The following TAPT1 variants were observed in gnomAD, a reference collection of about 807,000 sequenced individuals.
TAPT1 encodes the protein transmembrane anterior posterior transformation 1, also known as transmembrane anterior posterior transformation protein 1 homolog.
A neutral mutation model predicts 65.6 loss-of-function variants in TAPT1; 28 were observed. The observed-to-expected ratio is 0.43, with a 90% CI of 0.32 to 0.59. The LOEUF is 0.59. Ranked by LOEUF, TAPT1 falls within the 20% of genes least tolerant of loss-of-function variation. The pLI, the probability that TAPT1 is intolerant of heterozygous loss-of-function variation, is 0.09. For synonymous variants in TAPT1, 278 were observed against 245.2 expected (o/e 1.13, Z -1.25); for missense variants, 563 against 679.9 (o/e 0.83, Z 1.91).
chr4:16,199,732 CATGT>C (rs1749922588), intron 3 of TAPT1, among the ~76,000 whole-genome samples: 1 of 152,074 alleles, frequency 6.6e-6, no homozygotes, highest in African/African-American at 2.4e-5. Context: ...GCTGGGACTA[CATGT>C]ATGTGCCACC....
At chr4:16,186,387 T>C (rs544671925) in intron 7 of TAPT1, 148 bp downstream of exon 7, 12 of 557,930 alleles carry the variant, frequency 2.2e-5, no homozygotes, top group African/African-American at 1.7e-4. Context: ...GAACCAAAAA[T>C]AAGAAAACCT....
intron 13 of TAPT1, among the ~76,000 whole-genome samples, chr4:16,166,151 T>C (rs1379094191): frequency 6.6e-6 from 1 of 152,204 alleles, no homozygotes; most frequent in Non-Finnish European, 1.5e-5. Context: ...GGCCTCTGCC[T>C]GGGAGCTGCT....
intron 4 of TAPT1, chr4:16,189,916 GAAA>G (rs1331589337): frequency 5.9e-5 from 9 of 152,362 alleles, no homozygotes; most frequent in African/African-American, 1.9e-4. Context: ...GGGCAGCAGT[GAAA>G]AGAGCAAGGC....
In TAPT1 at chr4:16,166,754, C is replaced by T. The variant is rs1372580872; in HGVS notation, c.1353G>A (p.Leu451=). 3 of 1,613,758 alleles carry T rather than the reference C, an allele frequency of 1.9e-6. No individual in the cohort carries two copies. The highest frequency in any genetic ancestry group is 2.7e-5 in the African/African-American group (2 of 74,878). ...SLKVLNSIVL[L]GKSCQYVKEA... Reference sequence around the variant, plus strand: ...CCTTCACATACTGGCACGATTTCCCCAACAGCACGATGCTATTAAGTACTT... The same window carrying T: ...CCTTCACATACTGGCACGATTTCCCTAACAGCACGATGCTATTAAGTACTT... Residue 451 remains leucine (L), a synonymous_variant, in exon 13 of 14, where the codon TTG becomes TTA. Transcript: ENST00000405303.
intron 2 of TAPT1, among the ~76,000 whole-genome samples, chr4:16,213,057 G>A (rs955269432): frequency 1.8e-4 from 27 of 152,194 alleles, no homozygotes; most frequent in Non-Finnish European, 5.9e-5. Flanking sequence ...CAAGATTTAC[G>A]TTACTACAGA....
intron 2 of TAPT1, 33 bp from the exon 3 acceptor site, chr4:16,202,613 A>T: frequency 8.5e-7 from 1 of 1,179,034 alleles, no homozygotes; most frequent in African/African-American, 1.6e-5. Flanking sequence ...GAAAAAAAAA[A>T]AGTATTTTAA....
intron 1 of TAPT1, among the ~76,000 whole-genome samples, chr4:16,223,831 T>C (rs6852432): frequency 0.27 from 40,557 of 151,934 alleles, 5,934 homozygotes; most frequent in East Asian, 0.33. Context: ...TGGAAAGAGT[T>C]TGGATAAGTA....
intron 3 of TAPT1, among the ~76,000 whole-genome samples, chr4:16,197,889 A>C (rs1424132656): frequency 6.6e-6 from 1 of 152,194 alleles, no homozygotes; most frequent in Non-Finnish European, 1.5e-5. Context: ...ATTTGTGGGC[A>C]AAGATTTTTC....
intron 2 of TAPT1, among the ~76,000 whole-genome samples, chr4:16,212,605 T>C (rs1560186019): frequency 6.6e-6 from 1 of 152,186 alleles, no homozygotes; most frequent in Non-Finnish European, 1.5e-5. Flanking sequence ...TCCTCCCTCC[T>C]TATCTGTAAG....
At chr4:16,227,049 C>T (rs1231082114), upstream of TAPT1, 5 of 454,448 alleles carry the variant, frequency 1.1e-5, no homozygotes, top group African/African-American at 4.0e-5. Flanking sequence ...CCGGCCCTGC[C>T]TGCCCGCTAT....
At chr4:16,213,431 A>G (rs1004945026) in intron 2 of TAPT1, among the ~76,000 whole-genome samples, 8 of 139,666 alleles carry the variant, frequency 5.7e-5, no homozygotes, top group Non-Finnish European at 1.2e-4. Flanking sequence ...TGAATGGGGG[A>G]AAAAAAACCT....
chr4:16,199,845 C>T (rs546717645), intron 3 of TAPT1, among the ~76,000 whole-genome samples: 6 of 152,232 alleles, frequency 3.9e-5, no homozygotes, highest in African/African-American at 1.4e-4. Flanking sequence ...CCACCTTGGC[C>T]TCCCAAAGTT....
At chr4:16,198,594 A>G (rs1325235700) in intron 3 of TAPT1, among the ~76,000 whole-genome samples, 1 of 152,192 alleles carries the variant, frequency 6.6e-6, no homozygotes, top group African/African-American at 2.4e-5. Flanking sequence ...ATTGCAATCA[A>G]CTTCTTTGCC....
Position 16,163,229 on chromosome 4 carries a change from T to A in TAPT1, c.*79A>T. 1 of 966,352 alleles carries A rather than the reference T, an allele frequency of 1.0e-6. No individual in the cohort carries two copies. The highest frequency in any genetic ancestry group is 1.4e-5 in the South Asian group (1 of 71,332). 59.9% of individuals were successfully genotyped at this position (966,352 alleles called of 1,614,324 possible). On this transcript the variant is annotated 3_prime_UTR_variant, in exon 14 of 14. Transcript: ENST00000405303. Reference sequence around the variant, plus strand: ...TTTTTAAATAAATATTTAAGTGCCATGTTTAGCATCTATTTGTCCTGGCAA... The same window carrying A: ...TTTTTAAATAAATATTTAAGTGCCAAGTTTAGCATCTATTTGTCCTGGCAA...
intron 2 of TAPT1, among the ~76,000 whole-genome samples, chr4:16,212,020 A>G (rs535460680): frequency 6.6e-6 from 1 of 152,352 alleles, no homozygotes; most frequent in Non-Finnish European, 1.5e-5. Context: ...AGAAAGAAAG[A>G]AGGAAGCGTG....
At chr4:16,210,099 T>A (rs567195467) in intron 2 of TAPT1, among the ~76,000 whole-genome samples, 1 of 152,286 alleles carries the variant, frequency 6.6e-6, no homozygotes, top group South Asian at 2.1e-4. Context: ...TGTGTTATCA[T>A]CTCTCATGGC....
At chr4:16,226,199 C>G (rs897279556) in intron 1 of TAPT1, 60 bp downstream of exon 1, 9 of 1,086,780 alleles carry the variant, frequency 8.3e-6, no homozygotes, top group Non-Finnish European at 8.9e-6. Context: ...GCGCCCCCGC[C>G]GCCCTCGGTC....
chr4:16,194,269 G>GCACTGTTCTAGA (rs1749556179), intron 3 of TAPT1, among the ~76,000 whole-genome samples: 1 of 152,208 alleles, frequency 6.6e-6, no homozygotes, highest in African/African-American at 2.4e-5. Flanking sequence ...TACGTGGCAA[G>GCACTGTTCTAGA]CACTGTTCTA....
intron 1 of TAPT1, among the ~76,000 whole-genome samples, chr4:16,221,251 A>G (rs569449696): frequency 8.6e-5 from 13 of 151,874 alleles, no homozygotes; most frequent in Admixed American, 5.2e-4. Context: ...CTCAGCCTCC[A>G]AGTAGCTGGG....
Sources: gnomAD v4.1 joint callset for allele counts (sites outside exome capture counted in the v4.1 genomes callset) on GRCh38, gnomAD v4.1.1 for gene constraint, MANE v1.5 for transcripts, NCBI Gene and HGNC (gene_info 2026-07-23, HGNC 2026-07-21) for gene names.